Variants in TRIM33 observed in about 807,000 individuals in gnomAD.
TRIM33 encodes E3 ubiquitin-protein ligase TRIM33.
A neutral mutation model predicts 125.4 loss-of-function variants in TRIM33; 20 were observed. The ratio of observed to expected loss-of-function variants is 0.16; its 90% CI spans 0.11 to 0.23. The LOEUF is 0.23. TRIM33 is among the 10% of genes least tolerant of loss of function. The pLI is 1.00. For synonymous variants in TRIM33, 564 were observed against 513.9 expected, an observed-to-expected ratio of 1.10 and a Z score of -1.32; for missense variants, 920 against 1,411.4, an observed-to-expected ratio of 0.65 and a Z score of 5.58.
At chr1:114,479,637 A>C (rs1282776565) in intron 1 of TRIM33, among the ~76,000 whole-genome samples, 1 of 152,274 alleles carries the variant, frequency 6.6e-6, no homozygotes, top group Non-Finnish European at 1.5e-5. Flanking sequence ...TCAGGATGAC[A>C]GGAAATAAAA....
intron 4 of TRIM33, among the ~76,000 whole-genome samples, chr1:114,450,972 A>G (rs924119357): frequency 1.3e-5 from 2 of 152,134 alleles, no homozygotes; most frequent in African/African-American, 4.8e-5. Context: ...TTTCTTTTAA[A>G]TATTCTTCCG....
Position 114,398,010 on chromosome 1 carries a change from C to A in TRIM33, c.3121-20G>T, listed in dbSNP as rs78184484. The stretch of plus-strand genomic sequence containing the variant: ...CATCATCTAAAAAGGATACCAGAGT[C>A]AAAAAAAAAAAAGGGAAATTATAAT... On this transcript the variant is annotated intron_variant, in intron 18 of 19. Transcript: ENST00000358465. 3.2e-5 allele frequency: 43 copies of A among 1,335,540 alleles called. No individual in the cohort carries two copies. Among genetic ancestry groups the A allele is most frequent in the Admixed American group, 1.5e-4 (7 of 47,022 alleles). The allele number at this position is 1,335,540 out of a possible 1,614,324, so 82.7% of individuals were successfully genotyped here.
intron 4 of TRIM33, among the ~76,000 whole-genome samples, chr1:114,445,898 C>A (rs549809413): frequency 3.0e-4 from 45 of 152,104 alleles, no homozygotes; most frequent in Non-Finnish European, 5.9e-4. Flanking sequence ...CGCTTGATCA[C>A]CCAGGCTGGA....
intron 4 of TRIM33, among the ~76,000 whole-genome samples, chr1:114,461,551 GA>G (rs1005700784): frequency 1.0e-4 from 15 of 150,316 alleles, no homozygotes; most frequent in African/African-American, 1.5e-4. Flanking sequence ...TATAGGAGGA[GA>G]AAAAAAACAT....
At chr1:114,492,001 A>T (rs1652098527) in intron 1 of TRIM33, among the ~76,000 whole-genome samples, 1 of 152,186 alleles carries the variant, frequency 6.6e-6, no homozygotes, top group South Asian at 2.1e-4. Context: ...AGTGAAGTCA[A>T]CAAAAAGCAC....
At position 114,432,214 on chromosome 1, in the gene TRIM33, C is replaced by T. The variant is rs1178320843; in HGVS notation, c.1041-1302G>A. Among the ~76,000 whole-genome samples the T allele has an allele frequency of 5.3e-5, 8 of 152,166 alleles. No homozygotes were observed. The East Asian group carries it at 9.7e-4, about 18-fold the overall frequency. On this transcript the variant is annotated intron_variant, in intron 5 of 19. Transcript: ENST00000358465. The stretch of plus-strand genomic sequence containing the variant: ...ACTTTTGTATACAGATTCTGGAACA[C>T]GTGTACAAAATATATTTAAAAAATA...
chr1:114,436,124 C>A (rs1352640695), intron 4 of TRIM33, among the ~76,000 whole-genome samples: 4 of 151,272 alleles, frequency 2.6e-5, no homozygotes, highest in Non-Finnish European at 1.5e-5. Flanking sequence ...TAGCACAGGC[C>A]AGGCGTGGTG....
intron 1 of TRIM33, among the ~76,000 whole-genome samples, chr1:114,507,804 AT>A (rs1653085970): frequency 6.6e-6 from 1 of 152,106 alleles, no homozygotes; most frequent in Non-Finnish European, 1.5e-5. Context: ...CTGACAAATT[AT>A]TTTCTAGACT....
chr1:114,406,787 T>A (rs1052002419), intron 14 of TRIM33, among the ~76,000 whole-genome samples, 154 bp downstream of exon 14: 2 of 152,152 alleles, frequency 1.3e-5, no homozygotes, highest in Non-Finnish European at 2.9e-5. Flanking sequence ...GACAAAAAAG[T>A]TGAGTTAGAA....
chr1:114,493,828 A>C (rs1464116721), intron 1 of TRIM33, among the ~76,000 whole-genome samples: 1 of 152,036 alleles, frequency 6.6e-6, no homozygotes, highest in Non-Finnish European at 1.5e-5. Flanking sequence ...CGTGAACCAC[A>C]TCTGGCTTTT....
intron 1 of TRIM33, among the ~76,000 whole-genome samples, chr1:114,475,909 A>G (rs1650949199): frequency 6.6e-6 from 1 of 152,028 alleles, no homozygotes; most frequent in South Asian, 2.1e-4. Flanking sequence ...AGGCTGAGGC[A>G]GGATTGCTTG....
intron 11 of TRIM33, among the ~76,000 whole-genome samples, chr1:114,414,960 C>T (rs1402015838): frequency 6.7e-6 from 1 of 148,150 alleles, no homozygotes; most frequent in Non-Finnish European, 1.5e-5. Flanking sequence ...CAAACTTAAT[C>T]TTACCAACAT....
At chr1:114,420,643 C>G (rs892113943) in intron 11 of TRIM33, among the ~76,000 whole-genome samples, 2 of 152,160 alleles carry the variant, frequency 1.3e-5, no homozygotes, top group Non-Finnish European at 2.9e-5. Context: ...TTATACTTAA[C>G]TCTTTTTTGT....
chr1:114,497,011 G>A (rs1427764108), intron 1 of TRIM33, among the ~76,000 whole-genome samples: 1 of 152,128 alleles, frequency 6.6e-6, no homozygotes, highest in African/African-American at 2.4e-5. Context: ...AATGTACTCT[G>A]CTGTAAAAGC....
chr1:114,399,727 A>C (rs1247491097), intron 17 of TRIM33, 118 bp from the exon 18 acceptor site: 2 of 817,746 alleles, frequency 2.4e-6, no homozygotes, highest in Non-Finnish European at 3.8e-6. Context: ...AGCTGCTTGC[A>C]AATTTTGAGT....
chr1:114,501,121 C>A (rs1318682540), intron 1 of TRIM33, among the ~76,000 whole-genome samples: 1 of 60,916 alleles, frequency 1.6e-5, no homozygotes, highest in Non-Finnish European at 3.3e-5. Context: ...ACCCGGGAGG[C>A]GGAGCTTGCA....
chr1:114,486,956 G>A (rs112956928), intron 1 of TRIM33, among the ~76,000 whole-genome samples: 3,552 of 151,814 alleles, frequency 0.023, 127 homozygotes, highest in African/African-American at 0.081. Flanking sequence ...GTATGGTGGC[G>A]TACGCTTGTA....
At chr1:114,416,577 AC>A (rs1652956378) in intron 11 of TRIM33, among the ~76,000 whole-genome samples, 1 of 152,190 alleles carries the variant, frequency 6.6e-6, no homozygotes, top group Non-Finnish European at 1.5e-5. Flanking sequence ...CATTGCATAT[AC>A]CATACTCTAT....
At chr1:114,453,012 G>A (rs914025518) in intron 4 of TRIM33, among the ~76,000 whole-genome samples, 7 of 152,134 alleles carry the variant, frequency 4.6e-5, no homozygotes, top group East Asian at 3.9e-4. Flanking sequence ...AGTCCAGAGC[G>A]AGGAAGAGGG....
Sources: allele counts gnomAD v4.1 joint callset (sites outside exome capture counted in the v4.1 genomes callset), GRCh38; gene constraint gnomAD v4.1.1; transcripts MANE v1.5; gene names NCBI Gene and HGNC (gene_info 2026-07-23, HGNC 2026-07-21).